The following FALEC variants were observed in gnomAD, a reference collection of about 807,000 sequenced individuals.
FALEC encodes the protein focally amplified lncRNA on chromosome 1.
chr1:150,529,034 A>AAAAAAAAAAAAAAAAAAAG, the FALEC span, among the ~76,000 whole-genome samples: 1 of 151,234 alleles, frequency 6.6e-6, no homozygotes, highest in Non-Finnish European at 1.5e-5. Flanking sequence ...AAAAAAAAAA[A>AAAAAAAAAAAAAAAAAAAG]AAAAATCAAA....
At chr1:150,525,905 G>A in the FALEC span, among the ~76,000 whole-genome samples, 1 of 152,188 alleles carries the variant, frequency 6.6e-6, no homozygotes, top group African/African-American at 2.4e-5. Flanking sequence ...GCCTCCCAAA[G>A]TGCTGAGATT....
intron 1 of FALEC, among the ~76,000 whole-genome samples, chr1:150,516,763 A>G (rs911838836): frequency 1.3e-5 from 2 of 152,218 alleles, no homozygotes; most frequent in African/African-American, 2.4e-5. Flanking sequence ...AGGGAAGGAT[A>G]TACAAAGCAT....
the FALEC span, among the ~76,000 whole-genome samples, chr1:150,535,887 A>G: frequency 3.3e-5 from 5 of 152,246 alleles, no homozygotes; most frequent in Non-Finnish European, 7.3e-5. Context: ...CCTGGGGCTT[A>G]GAGCACATAG....
At chr1:150,534,603 G>C in the FALEC span, among the ~76,000 whole-genome samples, 1 of 152,082 alleles carries the variant, frequency 6.6e-6, no homozygotes, top group Non-Finnish European at 1.5e-5. Flanking sequence ...CAGCACTTTG[G>C]GAGGCCAAGG....
intron 1 of FALEC, chr1:150,517,751 C>T (rs1670588876): frequency 6.6e-6 from 1 of 152,242 alleles, no homozygotes; most frequent in Non-Finnish European, 1.5e-5. Context: ...GTTTAACCCA[C>T]CCTGTCTATG....
At chr1:150,531,946 C>G in the FALEC span, among the ~76,000 whole-genome samples, 1 of 152,228 alleles carries the variant, frequency 6.6e-6, no homozygotes, top group Non-Finnish European at 1.5e-5. Context: ...GCTCTGTCGC[C>G]CAGGCTGGAG....
chr1:150,533,735 C>A, the FALEC span, among the ~76,000 whole-genome samples: 2 of 151,978 alleles, frequency 1.3e-5, no homozygotes, highest in Admixed American at 1.3e-4. Context: ...CCGTGCCCAG[C>A]CTGTTTTTTT....
chr1:150,518,589 T>TGG (rs1670601202), downstream of FALEC, among the ~76,000 whole-genome samples: 2 of 151,698 alleles, frequency 1.3e-5, no homozygotes, highest in Non-Finnish European at 2.9e-5. Context: ...GGTTTCTCCA[T>TGG]GTCGTTCAGG....
At chr1:150,534,657 C>T in the FALEC span, among the ~76,000 whole-genome samples, 2 of 152,022 alleles carry the variant, frequency 1.3e-5, no homozygotes, top group East Asian at 1.9e-4. Flanking sequence ...TCCTGGCCAA[C>T]ATGGTGAAAC....
At chr1:150,518,778 CG>C (rs1309697436), downstream of FALEC, among the ~76,000 whole-genome samples, 2 of 151,828 alleles carry the variant, frequency 1.3e-5, no homozygotes, top group East Asian at 3.9e-4. Context: ...AATCCCTGGC[CG>C]GGCGCTGTGG....
chr1:150,517,206 A>G (rs985589989), intron 1 of FALEC, among the ~76,000 whole-genome samples: 8 of 151,676 alleles, frequency 5.3e-5, no homozygotes, highest in African/African-American at 1.7e-4. Context: ...CTGAGGCAGA[A>G]GAATTGCTTG....
chr1:150,529,908 T>A, the FALEC span, among the ~76,000 whole-genome samples: 1 of 152,126 alleles, frequency 6.6e-6, no homozygotes, highest in South Asian at 2.1e-4. Context: ...GTGAATTTCT[T>A]AAAGTATGCA....
chr1:150,535,191 A>G, the FALEC span, among the ~76,000 whole-genome samples: 1 of 147,888 alleles, frequency 6.8e-6, no homozygotes, highest in Non-Finnish European at 1.5e-5. Flanking sequence ...ATAAGAGCAC[A>G]GTCACCCAAA....
chr1:150,531,266 G>A, the FALEC span, among the ~76,000 whole-genome samples: 2 of 152,322 alleles, frequency 1.3e-5, no homozygotes, highest in Non-Finnish European at 2.9e-5. Flanking sequence ...AGGCCGAGGT[G>A]GGCGGATCAT....
chr1:150,534,092 G>C, the FALEC span, among the ~76,000 whole-genome samples: 12 of 152,312 alleles, frequency 7.9e-5, no homozygotes, highest in Admixed American at 6.5e-4. Context: ...TCTGGGCCAG[G>C]GTGGGGCAGT....
chr1:150,523,695 A>G, the FALEC span, among the ~76,000 whole-genome samples: 1 of 151,648 alleles, frequency 6.6e-6, no homozygotes, highest in Non-Finnish European at 1.5e-5. Flanking sequence ...TACATTGGTG[A>G]CTGGAATTAT....
At chr1:150,525,204 T>C in the FALEC span, among the ~76,000 whole-genome samples, 1 of 152,142 alleles carries the variant, frequency 6.6e-6, no homozygotes, top group Non-Finnish European at 1.5e-5. Flanking sequence ...GGAGAATCGC[T>C]TGAACCCAGT....
At chr1:150,532,544 G>A in the FALEC span, among the ~76,000 whole-genome samples, 2 of 152,174 alleles carry the variant, frequency 1.3e-5, no homozygotes, top group Non-Finnish European at 2.9e-5. Flanking sequence ...GGGAAAGGCA[G>A]GAACTTTGCC....
chr1:150,536,514 A>C, the FALEC span, among the ~76,000 whole-genome samples: 1 of 152,338 alleles, frequency 6.6e-6, no homozygotes, highest in Non-Finnish European at 1.5e-5. Context: ...TCCTAGGGCC[A>C]GGTGCAGTGG....
Sources: gnomAD v4.1 joint callset for allele counts (sites outside exome capture counted in the v4.1 genomes callset) on GRCh38, gnomAD v4.1.1 for gene constraint, MANE v1.5 for transcripts, NCBI Gene and HGNC (gene_info 2026-07-23, HGNC 2026-07-21) for gene names.